TBC1D2: variants seen among roughly 807,000 people sequenced by gnomAD.
TBC1D2 encodes TBC1 domain family member 2A.
In TBC1D2, 58 loss-of-function variants were observed where a neutral mutation model predicts 91.1. That is an observed-to-expected ratio of 0.64 (90% CI 0.52 to 0.79). The LOEUF is 0.79. Among genes scored for constraint, TBC1D2 ranks in the 30% least tolerant of loss-of-function variants. The pLI, the probability that TBC1D2 is intolerant of heterozygous loss-of-function variation, is 0.00. For missense variants in TBC1D2, 1,080 were observed against 1,208.3 expected, an observed-to-expected ratio of 0.89 and a Z score of 1.57; for synonymous variants, 482 against 511.5, an observed-to-expected ratio of 0.94 and a Z score of 0.78.
chr9:98,214,666 G>A (rs929454462), intron 6 of TBC1D2, among the ~76,000 whole-genome samples: 9 of 152,170 alleles, frequency 5.9e-5, no homozygotes, highest in Admixed American at 2.6e-4. Flanking sequence ...GCACATCCTC[G>A]TCAGGGTCAC....
In TBC1D2 at chr9:98,205,158, C is replaced by A. The variant is rs539948635; in HGVS notation, c.2151-1750G>T. ...GGCAGAGTGGAAACAGAACCCAGGG[C>A]TCCCAAAGTCTAGCCCAGTGCTCTC... On this transcript the variant is annotated intron_variant, in intron 9 of 12. Coordinates refer to ENST00000465784, the MANE Select transcript of TBC1D2 (RefSeq NM_001267571.2). Among the ~76,000 whole-genome samples the A allele has an allele frequency of 1.1e-3, 174 of 152,342 alleles. 1 individual carries two copies. Among genetic ancestry groups the A allele is most frequent in the African/African-American group, 4.0e-3 (168 of 41,588 alleles).
At chr9:98,220,687 C>T (rs1011391952) in intron 6 of TBC1D2, 146 bp downstream of exon 6, 5 of 1,053,292 alleles carry the variant, frequency 4.7e-6, no homozygotes, top group Non-Finnish European at 5.4e-6. Context: ...ATATTCCCAT[C>T]AACATGTGTT....
At chr9:98,247,820 GA>G (rs1401235963) in intron 2 of TBC1D2, among the ~76,000 whole-genome samples, 1 of 150,608 alleles carries the variant, frequency 6.6e-6, no homozygotes, top group African/African-American at 2.4e-5. Flanking sequence ...GAACTGATTC[GA>G]AAAAAATAAA....
At chr9:98,225,401 G>A (rs1289594342) in intron 5 of TBC1D2, among the ~76,000 whole-genome samples, 2 of 152,230 alleles carry the variant, frequency 1.3e-5, no homozygotes, top group Non-Finnish European at 2.9e-5. Flanking sequence ...ATGACACCAG[G>A]GGGTACACAG....
chr9:98,212,394 T>C (rs72603689), intron 7 of TBC1D2, among the ~76,000 whole-genome samples: 11,457 of 152,166 alleles, frequency 0.075, 486 homozygotes, highest in East Asian at 0.14. Context: ...CTTGCCTGGA[T>C]AACATTAACT....
In TBC1D2 at chr9:98,254,979, G is replaced by T. The variant is rs143663536; in HGVS notation, c.369+194C>A. ...CTCAGTTTCTTGATCCGTAAAATGG[G>T]TCTGTCTTCCCTGCCTTGTGGGAAC... is the stretch of plus-strand genomic sequence containing the variant. On this transcript the variant is annotated intron_variant, in intron 1 of 12. Coordinates refer to ENST00000465784, the MANE Select transcript of TBC1D2 (RefSeq NM_001267571.2). Among the ~76,000 whole-genome samples the T allele has an allele frequency of 7.9e-5, 12 of 152,296 alleles. No individual in the cohort carries two copies. In the East Asian group the frequency reaches 2.3e-3, roughly 29 times the overall value.
chr9:98,216,704 C>A (rs2119061908), intron 6 of TBC1D2, among the ~76,000 whole-genome samples: 1 of 152,202 alleles, frequency 6.6e-6, no homozygotes, highest in South Asian at 2.1e-4. Flanking sequence ...ATTTATTTTT[C>A]TTTCTTTTTT....
chr9:98,240,099 T>C (rs1387573984), intron 3 of TBC1D2, among the ~76,000 whole-genome samples: 1 of 152,184 alleles, frequency 6.6e-6, no homozygotes, highest in East Asian at 1.9e-4. Context: ...TCAACTTTGT[T>C]GCTCTTTTCA....
At chr9:98,232,697 T>C (rs1194030727) in intron 4 of TBC1D2, among the ~76,000 whole-genome samples, 1 of 152,176 alleles carries the variant, frequency 6.6e-6, no homozygotes, top group African/African-American at 2.4e-5. Flanking sequence ...CCAAGTACTC[T>C]TCACCAAGCT....
chr9:98,201,436 ACT>A (rs1344259933), intron 11 of TBC1D2, 41 bp downstream of exon 11: 3 of 1,578,946 alleles, frequency 1.9e-6, no homozygotes, highest in Non-Finnish European at 2.6e-6. Flanking sequence ...GGGTGAAGGG[ACT>A]TGCTCAGGGG....
chr9:98,226,926 C>T (rs1166606424), intron 5 of TBC1D2, among the ~76,000 whole-genome samples: 2 of 152,242 alleles, frequency 1.3e-5, no homozygotes, highest in African/African-American at 4.8e-5. Flanking sequence ...CAATCAGGGG[C>T]AAACTTTCAT....
chr9:98,200,485 G>T, intron 11 of TBC1D2, 111 bp from the exon 12 acceptor site: 1 of 1,038,062 alleles, frequency 9.6e-7, no homozygotes, highest in Non-Finnish European at 1.4e-6. Flanking sequence ...GACTGGCTGC[G>T]GAAGTTGAGG....
At chr9:98,218,291 G>A (rs1279525167) in intron 6 of TBC1D2, among the ~76,000 whole-genome samples, 1 of 152,128 alleles carries the variant, frequency 6.6e-6, no homozygotes, top group African/African-American at 2.4e-5. Flanking sequence ...TCATGGCCAG[G>A]TGCGGTGGCT....
intron 11 of TBC1D2, among the ~76,000 whole-genome samples, 180 bp from the exon 12 acceptor site, chr9:98,200,554 G>A (rs1381159025): frequency 2.6e-5 from 4 of 151,498 alleles, no homozygotes; most frequent in Non-Finnish European, 3.0e-5. Context: ...TGAATACCCC[G>A]GCGGGGTGGT....
Position 98,199,160 on chromosome 9 carries a change from G to C in TBC1D2, c.*221C>G, listed in dbSNP as rs536788917. 1 of 607,044 alleles carries C rather than the reference G, an allele frequency of 1.6e-6. No individual in the cohort carries two copies. The highest frequency in any genetic ancestry group is 2.9e-6 in the Non-Finnish European group (1 of 342,716). 37.6% of individuals were successfully genotyped at this position (607,044 alleles called of 1,614,324 possible). On this transcript the variant is annotated 3_prime_UTR_variant, in exon 13 of 13. Coordinates refer to ENST00000465784, the MANE Select transcript of TBC1D2 (RefSeq NM_001267571.2). The stretch of plus-strand genomic sequence containing the variant: ...CTGTGGAAGAGGTGACGAAAGGGTG[G>C]CATCCCTGGGTAAGTAAGTGCCTAT...
chr9:98,200,807 G>T (rs111752095), intron 11 of TBC1D2, among the ~76,000 whole-genome samples: 4,614 of 152,238 alleles, frequency 0.03, 243 homozygotes, highest in African/African-American at 0.1. Context: ...TCTGAGGTCA[G>T]GAGTTCGAGA....
chr9:98,246,384 AACAG>A (rs999297009), intron 2 of TBC1D2, among the ~76,000 whole-genome samples: 3 of 152,234 alleles, frequency 2.0e-5, no homozygotes, highest in Non-Finnish European at 2.9e-5. Context: ...TAGTTCAAAC[AACAG>A]ACAGTGTATT....
chr9:98,227,707 G>A (rs1457342910), intron 5 of TBC1D2, among the ~76,000 whole-genome samples: 1 of 151,676 alleles, frequency 6.6e-6, no homozygotes, highest in Non-Finnish European at 1.5e-5. Flanking sequence ...GCTTGAACCC[G>A]GGAGGCAGAG....
At chr9:98,241,386 G>A (rs1003948711) in intron 3 of TBC1D2, among the ~76,000 whole-genome samples, 2 of 152,162 alleles carry the variant, frequency 1.3e-5, no homozygotes, top group East Asian at 1.9e-4. Context: ...TATGACCCGG[G>A]TTCATGGCAG....
Sources: allele counts gnomAD v4.1 joint callset (sites outside exome capture counted in the v4.1 genomes callset), GRCh38; gene constraint gnomAD v4.1.1; transcripts MANE v1.5; gene names NCBI Gene and HGNC (gene_info 2026-07-23, HGNC 2026-07-21).